NFATC2: variants seen among roughly 807,000 people sequenced by gnomAD.
NFATC2 encodes the protein nuclear factor of activated T-cells, cytoplasmic 2.
A neutral mutation model predicts 87.3 loss-of-function variants in NFATC2; 22 were observed. The observed-to-expected ratio is 0.25, with a 90% confidence interval of 0.18 to 0.36. The LOEUF is 0.36. NFATC2 is among the 10% of genes least tolerant of loss of function. The pLI is 1.00. For missense variants in NFATC2, 1,149 were observed against 1,259.1 expected (o/e 0.91, Z 1.32); for synonymous variants, 565 against 542.2 (o/e 1.04, Z -0.58).
At chr20:51,487,336 C>T (rs929365654) in intron 3 of NFATC2, among the ~76,000 whole-genome samples, 10 of 152,090 alleles carry the variant, frequency 6.6e-5, no homozygotes, top group East Asian at 3.9e-4. Flanking sequence ...CATTCCTCTG[C>T]GGGAGCCAGG....
intron 3 of NFATC2, among the ~76,000 whole-genome samples, chr20:51,499,405 C>T (rs1189717196): frequency 6.6e-6 from 1 of 151,972 alleles, no homozygotes; most frequent in Non-Finnish European, 1.5e-5. Context: ...AACTGGATGC[C>T]CATAAAAGAT....
intron 5 of NFATC2, among the ~76,000 whole-genome samples, chr20:51,461,626 A>G (rs228843): frequency 0.5 from 75,363 of 152,144 alleles, 20,763 homozygotes; most frequent in South Asian, 0.64. Flanking sequence ...AGCCACCGCA[A>G]AGGTTCAGCG....
intron 6 of NFATC2, among the ~76,000 whole-genome samples, chr20:51,446,995 A>T (rs1985151774): frequency 6.6e-6 from 1 of 152,220 alleles, no homozygotes; most frequent in African/African-American, 2.4e-5. Context: ...AACCAAACCC[A>T]GGGAGAGAAA....
intron 9 of NFATC2, among the ~76,000 whole-genome samples, chr20:51,426,626 G>A (rs1317715799): frequency 6.6e-6 from 1 of 152,224 alleles, no homozygotes; most frequent in Non-Finnish European, 1.5e-5. Context: ...GAAGGCACAA[G>A]GCAGCAAGTA....
At chr20:51,466,938 G>A (rs182521891) in intron 5 of NFATC2, among the ~76,000 whole-genome samples, 111 of 152,052 alleles carry the variant, frequency 7.3e-4, no homozygotes, top group African/African-American at 2.5e-3. Flanking sequence ...TGGGCATGGT[G>A]GCAGTCGCCT....
At chr20:51,412,688 TC>T (rs1374792502) in intron 9 of NFATC2, among the ~76,000 whole-genome samples, 4 of 151,828 alleles carry the variant, frequency 2.6e-5, no homozygotes, top group Non-Finnish European at 5.9e-5. Flanking sequence ...TTCCTGGGCG[TC>T]CCCGGCCACC....
intron 3 of NFATC2, among the ~76,000 whole-genome samples, chr20:51,495,874 A>G (rs2075979635): frequency 6.6e-6 from 1 of 152,218 alleles, no homozygotes; most frequent in Non-Finnish European, 1.5e-5. Context: ...CCTGTGGATC[A>G]GAGCGGACTC....
At chr20:51,489,123 G>C (rs940077979) in intron 3 of NFATC2, among the ~76,000 whole-genome samples, 1 of 152,260 alleles carries the variant, frequency 6.6e-6, no homozygotes, top group Non-Finnish European at 1.5e-5. Context: ...CCAGGAGGCA[G>C]AGGTTGCAGT....
At position 51,516,895 on chromosome 20, in the gene NFATC2, AG is replaced by A; in HGVS notation, c.1220del (p.Ser407PhefsTer86). ...LEWPLSSQSG[S>X]YELRIEVQPK... is the part of the protein sequence containing the mutation. ...GCTGCACCTCGATCCGCAGCTCGTA[AG>A]AGCCTGACTGACTGGACAGCGGCCA... On this transcript the variant is annotated frameshift_variant, in exon 3 of 11. Transcript: ENST00000371564. LOFTEE classifies it high-confidence loss of function. 6.2e-7 allele frequency: 1 copy of A among 1,614,208 alleles called. No individual in the cohort carries two copies. The highest frequency in any genetic ancestry group is 8.5e-7 in the Non-Finnish European group (1 of 1,180,030).
chr20:51,488,695 G>A (rs534550428), intron 3 of NFATC2, among the ~76,000 whole-genome samples: 5 of 152,180 alleles, frequency 3.3e-5, no homozygotes, highest in East Asian at 1.9e-4. Flanking sequence ...CACTTTTCAC[G>A]TTCTCATCAA....
Position 51,524,010 on chromosome 20 carries a change from A to G in NFATC2, c.231T>C (p.Ser77=). Reference sequence around the variant, plus strand: ...ATCGGCCGGGGGGCTCGCCAGAGAGACTAGCAAGGGGGCTGTATGGCTTGA... The same window carrying G: ...ATCGGCCGGGGGGCTCGCCAGAGAGGCTAGCAAGGGGGCTGTATGGCTTGA... The part of the protein sequence containing the change: ...YGLKPYSPLA[S]LSGEPPGRFG... The change falls in exon 2 of 11, where the codon AGT becomes AGC. Residue 77 remains serine, a synonymous_variant. Transcript: ENST00000371564. The surrounding 1 kb of genome is among the most constrained non-coding windows in gnomAD (Gnocchi z 4.0). 1.3e-6 allele frequency: 2 copies of G among 1,564,128 alleles called. No individual in the cohort carries two copies. Among genetic ancestry groups the G allele is most frequent in the Non-Finnish European group, 1.7e-6 (2 of 1,160,448 alleles).
intron 1 of NFATC2, among the ~76,000 whole-genome samples, chr20:51,552,026 CAAA>C (rs60592460): frequency 6.9e-6 from 1 of 145,978 alleles, no homozygotes; most frequent in African/African-American, 2.5e-5. Flanking sequence ...GGCTCCATCT[CAAA>C]AAAAAAAAAA....
At chr20:51,475,319 G>A (rs1371067791) in intron 4 of NFATC2, 139 bp downstream of exon 4, 6 of 814,900 alleles carry the variant, frequency 7.4e-6, no homozygotes, top group Non-Finnish European at 1.2e-5. Flanking sequence ...ATCACAACGG[G>A]TCGATGGATC....
intron 3 of NFATC2, among the ~76,000 whole-genome samples, chr20:51,476,683 G>A (rs1242955006): frequency 6.6e-6 from 1 of 152,132 alleles, no homozygotes; most frequent in Non-Finnish European, 1.5e-5. Flanking sequence ...CTAGAGTAAC[G>A]CTTGGCACAT....
At chr20:51,512,330 C>T (rs2076285140) in intron 3 of NFATC2, among the ~76,000 whole-genome samples, 1 of 152,226 alleles carries the variant, frequency 6.6e-6, no homozygotes, top group South Asian at 2.1e-4. Context: ...CCACAGATCC[C>T]CTCCAAGTGG....
At chr20:51,397,343 C>T (rs1987318207) in intron 10 of NFATC2, among the ~76,000 whole-genome samples, 1 of 149,280 alleles carries the variant, frequency 6.7e-6, no homozygotes, top group Admixed American at 6.6e-5. Flanking sequence ...GAACATAAAA[C>T]CCTCAATAGG....
At chr20:51,497,586 C>T (rs532698966) in intron 3 of NFATC2, among the ~76,000 whole-genome samples, 3 of 152,264 alleles carry the variant, frequency 2.0e-5, no homozygotes, top group Admixed American at 6.5e-5. Context: ...TCCACGCCTC[C>T]CCCCATGATA....
At chr20:51,494,203 T>G (rs1415402241) in intron 3 of NFATC2, among the ~76,000 whole-genome samples, 1 of 151,790 alleles carries the variant, frequency 6.6e-6, no homozygotes, top group African/African-American at 2.4e-5. Flanking sequence ...AGTGCTCCCC[T>G]CCTTCTCCAC....
chr20:51,519,233 G>A (rs2146702267), intron 2 of NFATC2, among the ~76,000 whole-genome samples: 1 of 152,246 alleles, frequency 6.6e-6, no homozygotes, highest in East Asian at 1.9e-4. Flanking sequence ...ATGCTTTAAA[G>A]CACCAAAAAT....
Sources: allele counts gnomAD v4.1 joint callset (sites outside exome capture counted in the v4.1 genomes callset), GRCh38; gene constraint gnomAD v4.1.1; non-coding constraint Gnocchi (gnomAD v3.1); transcripts MANE v1.5; gene names NCBI Gene and HGNC (gene_info 2026-07-23, HGNC 2026-07-21).